The following CIB4 variants were observed in gnomAD, a reference collection of about 807,000 sequenced individuals.
CIB4 encodes the protein calcium and integrin binding family member 4, also known as calcium and integrin-binding family member 4.
Under a neutral mutation model 25.8 loss-of-function variants are expected in CIB4, and 25 were observed. The ratio of observed to expected loss-of-function variants is 0.97; its 90% confidence interval spans 0.71 to 1.35. CIB4 has a LOEUF of 1.35. Among genes scored for constraint, CIB4 ranks in the 40% most tolerant of loss-of-function variants. The probability of loss-of-function intolerance (pLI) is 0.00; values close to 1 mark genes in which losing one functional copy is unlikely to be tolerated. For synonymous variants in CIB4, 75 were observed against 81.4 expected (o/e 0.92, Z 0.42); for missense variants, 235 against 228.2 (o/e 1.03, Z -0.19).
chr2:26,615,244 AGCAGAAT>A (rs1669069376), intron 3 of CIB4, among the ~76,000 whole-genome samples: 1 of 152,198 alleles, frequency 6.6e-6, no homozygotes, highest in African/African-American at 2.4e-5. Flanking sequence ...GACAAATGAA[AGCAGAAT>A]GCCTCTCCAT....
At chr2:26,591,676 C>G (rs1032150372) in intron 4 of CIB4, among the ~76,000 whole-genome samples, 1 of 152,208 alleles carries the variant, frequency 6.6e-6, no homozygotes, top group African/African-American at 2.4e-5. Context: ...ACCAATGGAA[C>G]TTGGCAAAAG....
At chr2:26,618,327 C>T (rs894940400) in intron 3 of CIB4, among the ~76,000 whole-genome samples, 2 of 152,212 alleles carry the variant, frequency 1.3e-5, no homozygotes. Flanking sequence ...ACTCTGTCAC[C>T]CAGGCTGGAG....
At chr2:26,605,002 T>C (rs1668861364) in intron 3 of CIB4, among the ~76,000 whole-genome samples, 2 of 152,190 alleles carry the variant, frequency 1.3e-5, no homozygotes, top group Admixed American at 1.3e-4. Context: ...TTAGAATATT[T>C]ACCAAGATAG....
chr2:26,606,429 TGGA>T (rs1421591425), intron 3 of CIB4, among the ~76,000 whole-genome samples: 3 of 151,952 alleles, frequency 2.0e-5, no homozygotes, highest in Non-Finnish European at 4.4e-5. Context: ...GGAGATGTGG[TGGA>T]GGATTCAGGG....
At chr2:26,608,107 G>A (rs750951696) in intron 3 of CIB4, among the ~76,000 whole-genome samples, 3 of 152,134 alleles carry the variant, frequency 2.0e-5, no homozygotes, top group East Asian at 1.9e-4. Flanking sequence ...GCTTGGTGGC[G>A]CATGCCTGTA....
intron 3 of CIB4, among the ~76,000 whole-genome samples, chr2:26,629,050 T>C (rs1412466852): frequency 2.0e-5 from 3 of 152,100 alleles, no homozygotes; most frequent in Middle Eastern, 3.2e-3. Flanking sequence ...TAGGCTGGCC[T>C]CGGAGGCTGA....
intron 2 of CIB4, among the ~76,000 whole-genome samples, chr2:26,634,348 C>T (rs1669491242): frequency 6.6e-6 from 1 of 152,112 alleles, no homozygotes; most frequent in African/African-American, 2.4e-5. Flanking sequence ...GCTTTTAGTT[C>T]CCTGATCTGC....
chr2:26,617,802 C>T (rs1468118799), intron 3 of CIB4, among the ~76,000 whole-genome samples: 1 of 152,156 alleles, frequency 6.6e-6, no homozygotes, highest in Non-Finnish European at 1.5e-5. Context: ...GTGTAGCGTT[C>T]CCAGAGGGCT....
rs1669326002 is a variant in CIB4 at position 26,627,146 on chromosome 2, C to T, written c.186+2264G>A. Reference sequence around the variant, plus strand: ...TGGGTCACCAACACCCTCTATGCCACCCCTCCAGTTCGGCTCCCCTTGGGC... The same window carrying T: ...TGGGTCACCAACACCCTCTATGCCATCCCTCCAGTTCGGCTCCCCTTGGGC... On this transcript the variant is annotated intron_variant, in intron 3 of 6. Transcript: ENST00000288861. The surrounding 1 kb of genome is among the most constrained non-coding windows in gnomAD (Gnocchi z 4.0). Among the ~76,000 whole-genome samples the T allele has an allele frequency of 6.6e-6, 1 of 152,152 alleles. No homozygotes were observed. The highest frequency in any genetic ancestry group is 2.4e-5 in the African/African-American group (1 of 41,424).
intron 2 of CIB4, among the ~76,000 whole-genome samples, chr2:26,632,836 T>C (rs1272146395): frequency 6.6e-6 from 1 of 151,876 alleles, no homozygotes; most frequent in African/African-American, 2.4e-5. Flanking sequence ...GAGCATTTTG[T>C]CACTGTCATA....
At chr2:26,616,279 C>T (rs1250303642) in intron 3 of CIB4, among the ~76,000 whole-genome samples, 1 of 152,202 alleles carries the variant, frequency 6.6e-6, no homozygotes, top group Non-Finnish European at 1.5e-5. Context: ...AGCATGGTGG[C>T]CGTGCCTGCA....
At chr2:26,587,304 CAAAA>C (rs71399396) in intron 4 of CIB4, among the ~76,000 whole-genome samples, 953 of 61,422 alleles carry the variant, frequency 0.016, 5 homozygotes, top group Non-Finnish European at 0.021. Context: ...GACTCCGTCT[CAAAA>C]AAAAAAAAAA....
chr2:26,625,595 A>G (rs868462064), intron 3 of CIB4, among the ~76,000 whole-genome samples: 9 of 151,784 alleles, frequency 5.9e-5, no homozygotes, highest in Non-Finnish European at 1.5e-5. Context: ...CAGGTGATCC[A>G]CCCGCTTCGG....
At chr2:26,610,561 C>T (rs1668979438) in intron 3 of CIB4, among the ~76,000 whole-genome samples, 1 of 152,318 alleles carries the variant, frequency 6.6e-6, no homozygotes, top group East Asian at 1.9e-4. Context: ...GCTGCCCTTG[C>T]CTGCTAAGGG....
chr2:26,616,956 G>A (rs974110728), intron 3 of CIB4, among the ~76,000 whole-genome samples: 1 of 152,174 alleles, frequency 6.6e-6, no homozygotes, highest in South Asian at 2.1e-4. Context: ...GGAAGGTGAG[G>A]GGAGCAGGGA....
chr2:26,609,055 A>G (rs900389074), intron 3 of CIB4, among the ~76,000 whole-genome samples: 5 of 152,144 alleles, frequency 3.3e-5, no homozygotes, highest in South Asian at 2.1e-4. Context: ...CAGAGCCCCA[A>G]ATAAAGCACT....
Position 26,602,604 on chromosome 2 carries a change from G to A in CIB4, c.187-7287C>T, listed in dbSNP as rs572324837. 1.8e-4 allele frequency among the ~76,000 whole-genome samples: 28 copies of A among 152,288 alleles called. 1 individual carries two copies. The highest frequency in any genetic ancestry group is 6.3e-4 in the African/African-American group (26 of 41,552). On this transcript the variant is annotated intron_variant, in intron 3 of 6. Transcript: ENST00000288861. ...GATACAAAATAAATATTGATGTGTA[G>A]TATACATGGGTTAGTATACATACCT...
Position 26,595,211 on chromosome 2 carries a change from G to C in CIB4, c.293C>G (p.Pro98Arg). The C allele has an allele frequency of 6.2e-7, 1 of 1,613,738 alleles. No homozygotes were observed. The highest frequency in any genetic ancestry group is 8.5e-7 in the Non-Finnish European group (1 of 1,179,678). ...MASVFSEQACPSLKIEYAFRI... is the reference protein window; with the variant it reads ...MASVFSEQACRSLKIEYAFRI... The stretch of plus-strand genomic sequence containing the variant: ...AAAGGCATACTCAATCTTCAGGCTT[G>C]GGCAGGCCTGCTCGCTGAACACAGA... Residue 98 changes from proline to arginine, a missense_variant, in exon 4 of 7, where the codon CCA (proline) becomes CGA (arginine). Physicochemically the swap from Pro to Arg is moderately radical, Grantham distance 103 (BLOSUM62 -2). Coordinates refer to ENST00000288861, the MANE Select transcript of CIB4 (RefSeq NM_001029881.3).
chr2:26,623,798 G>T (rs887562425), intron 3 of CIB4, among the ~76,000 whole-genome samples: 3 of 152,226 alleles, frequency 2.0e-5, no homozygotes, highest in Admixed American at 6.5e-5. Context: ...AAGGCCCTGC[G>T]ATCTTCCTTT....
Sources: gnomAD v4.1 joint callset for allele counts (sites outside exome capture counted in the v4.1 genomes callset) on GRCh38, gnomAD v4.1.1 for gene constraint, Gnocchi (gnomAD v3.1) non-coding constraint, MANE v1.5 for transcripts, NCBI Gene and HGNC (gene_info 2026-07-23, HGNC 2026-07-21) for gene names.